KRT73: variants seen among roughly 807,000 people sequenced by gnomAD.
The protein encoded by KRT73 is keratin 73, also known as keratin, type II cytoskeletal 73.
Under a neutral mutation model 47.2 loss-of-function variants are expected in KRT73, and 44 were observed. The ratio of observed to expected loss-of-function variants is 0.93; its 90% CI spans 0.73 to 1.20. The LOEUF (loss-of-function observed/expected upper bound fraction) is 1.20, where lower values mean the gene tolerates loss of function less well. Ranked by LOEUF, KRT73 falls within the 50% of genes most tolerant of loss-of-function variation. KRT73 has a pLI of 0.00. For synonymous variants in KRT73, 285 were observed against 291.3 expected (o/e 0.98, Z 0.22); for missense variants, 713 against 704.5 (o/e 1.01, Z -0.14).
chr12:52,612,379 A>C (rs372876863), intron 5 of KRT73: 1 of 152,250 alleles, frequency 6.6e-6, no homozygotes, highest in South Asian at 2.1e-4. Flanking sequence ...AATGTGGCTC[A>C]AGGGGAAAAC....
the KRT73 span, among the ~76,000 whole-genome samples, chr12:52,626,619 G>A: frequency 6.6e-6 from 1 of 152,124 alleles, no homozygotes; most frequent in Admixed American, 6.6e-5. Context: ...TTGGGTGGCT[G>A]GCCATGTGCT....
At chr12:52,616,788 C>T (rs140192085) in intron 1 of KRT73, among the ~76,000 whole-genome samples, 41 of 152,254 alleles carry the variant, frequency 2.7e-4, no homozygotes, top group African/African-American at 9.1e-4. Flanking sequence ...TCTGGTGGCC[C>T]GTGCTCTGCC....
chr12:52,617,185 C>T (rs1259098151), intron 1 of KRT73, among the ~76,000 whole-genome samples: 1 of 152,204 alleles, frequency 6.6e-6, no homozygotes, highest in Non-Finnish European at 1.5e-5. Flanking sequence ...CCACCTCCAT[C>T]TGAAAACTCC....
chr12:52,613,575 G>C, intron 5 of KRT73, 113 bp downstream of exon 5: 3 of 1,539,314 alleles, frequency 1.9e-6, no homozygotes, highest in Non-Finnish European at 2.6e-6. Context: ...GCCCAGGAGA[G>C]TGCTGTGCTC....
rs1024884005 is a variant in KRT73 at position 52,611,068 on chromosome 12, G to A, written c.1110+136C>T. On this transcript the variant is annotated intron_variant, in intron 6 of 8. Coordinates refer to ENST00000305748, the MANE Select transcript of KRT73 (RefSeq NM_175068.3). ...TCCAAACTTCAGATGGGAGCTAAGG[G>A]TGAGGGATGAGAGCAGGACCTCCAT... The A allele has an allele frequency of 3.5e-5, 41 of 1,163,244 alleles. 1 individual carries two copies. In the Middle Eastern group the frequency reaches 1.2e-3, roughly 34 times the overall value. The allele number at this position is 1,163,244 out of a possible 1,614,324, so 72.1% of individuals were successfully genotyped here.
At chr12:52,609,504 C>T (rs1305855190) in intron 7 of KRT73, among the ~76,000 whole-genome samples, 1 of 152,168 alleles carries the variant, frequency 6.6e-6, no homozygotes, top group African/African-American at 2.4e-5. Context: ...AACTTTGGAA[C>T]CCCCAACAAC....
chr12:52,607,611 G>C lies in KRT73; in HGVS notation c.*585C>G, dbSNP rs138814612. 1.3e-5 allele frequency: 2 copies of C among 152,318 alleles called. No homozygotes were observed. Among genetic ancestry groups the C allele is most frequent in the African/African-American group, 4.8e-5 (2 of 41,444 alleles). The allele number at this position is 152,318 out of a possible 1,614,324, so 9.4% of individuals were successfully genotyped here. On this transcript the variant is annotated 3_prime_UTR_variant, in exon 9 of 9. Transcript: ENST00000305748. ...ATTGGTAAGACACAGGAGCAGGGAG[G>C]TGAGGCCTAAACAAGGACAAGTACC...
At chr12:52,618,632 G>A, upstream of KRT73, 1 of 1,213,068 alleles carries the variant, frequency 8.2e-7, no homozygotes, top group African/African-American at 1.5e-5. Context: ...AGGGAGCCAT[G>A]GGCCTAATTT....
Position 52,607,765 on chromosome 12 carries a change from C to G in KRT73, c.*431G>C, listed in dbSNP as rs1192396762. 2 of 159,746 alleles carry G rather than the reference C, an allele frequency of 1.3e-5. No individual in the cohort carries two copies. Among genetic ancestry groups the G allele is most frequent in the East Asian group, 3.7e-4 (2 of 5,360 alleles). 9.9% of individuals were successfully genotyped at this position (159,746 alleles called of 1,614,324 possible). Reference sequence around the variant, plus strand: ...GTGTTTTGCCTGAGCCAGTATTGCTCTAACATGAGAGAGTTCCTGCAGGTC... The same window carrying G: ...GTGTTTTGCCTGAGCCAGTATTGCTGTAACATGAGAGAGTTCCTGCAGGTC... On this transcript the variant is annotated 3_prime_UTR_variant, in exon 9 of 9. Coordinates refer to ENST00000305748, the MANE Select transcript of KRT73 (RefSeq NM_175068.3).
the KRT73 span, among the ~76,000 whole-genome samples, chr12:52,626,363 G>A: frequency 0.79 from 120,435 of 152,214 alleles, 48,570 homozygotes; most frequent in African/African-American, 0.95. Context: ...TACTGCCTGA[G>A]ATCTTTCTAA....
intron 2 of KRT73, 152 bp downstream of exon 2, chr12:52,616,014 A>G: frequency 1.1e-6 from 1 of 874,378 alleles, no homozygotes; most frequent in Non-Finnish European, 1.7e-6. Context: ...CTGGTTGTCC[A>G]CTGTCTAGTC....
In KRT73 at chr12:52,613,790, G is replaced by A. The variant is rs1383021730; in HGVS notation, c.882C>T (p.Asn294=). 1 of 1,614,252 alleles carries A rather than the reference G, an allele frequency of 6.2e-7. No homozygotes were observed. The highest frequency in any genetic ancestry group is 8.5e-7 in the Non-Finnish European group (1 of 1,180,046). ...DTSIILSMDN[N]RNLDLDSIIA... Reference sequence around the variant, plus strand: ...TGATGCTGTCCAGGTCCAGGTTCCGGTTGTTGTCCATGGACAGGATGATGG... The same window carrying A: ...TGATGCTGTCCAGGTCCAGGTTCCGATTGTTGTCCATGGACAGGATGATGG... The change falls in exon 5 of 9, where the codon AAC becomes AAT. Residue 294 remains asparagine (N), a synonymous_variant. Coordinates refer to ENST00000305748, the MANE Select transcript of KRT73 (RefSeq NM_175068.3).
chr12:52,618,395 T>C lies in KRT73; in HGVS notation c.130A>G (p.Ser44Gly). 1 of 1,614,176 alleles carries C rather than the reference T, an allele frequency of 6.2e-7. No homozygotes were observed. The highest frequency in any genetic ancestry group is 2.2e-5 in the East Asian group (1 of 44,872). The change falls in exon 1 of 9, where the codon AGC becomes GGC. Residue 44 changes from serine to glycine, a missense_variant. Coordinates refer to ENST00000305748, the MANE Select transcript of KRT73 (RefSeq NM_175068.3). ...CCCAGGCTGTAAAGGCTCCGACTGCTGAAGCCTCCACTGAGCCCTTTGCCC... is the reference window on the plus strand; with the variant it reads ...CCCAGGCTGTAAAGGCTCCGACTGCCGAAGCCTCCACTGAGCCCTTTGCCC... ...AGGKGLSGGF[S>G]SRSLYSLGGA...
chr12:52,612,721 T>G (rs990277521), intron 5 of KRT73: 2 of 152,212 alleles, frequency 1.3e-5, no homozygotes, highest in Non-Finnish European at 2.9e-5. Context: ...TTAGAGTAAA[T>G]GCTTCTTTCC....
upstream of KRT73, among the ~76,000 whole-genome samples, chr12:52,623,245 C>T (rs543155697): frequency 6.6e-6 from 1 of 152,284 alleles, no homozygotes; most frequent in South Asian, 2.1e-4. Flanking sequence ...AGAAACAATG[C>T]TTTACCTTTA....
the KRT73 span, among the ~76,000 whole-genome samples, chr12:52,630,672 G>A: frequency 3.9e-5 from 6 of 152,184 alleles, no homozygotes; most frequent in Non-Finnish European, 8.8e-5. Flanking sequence ...TACCACTGCT[G>A]AGTTGGGGTC....
chr12:52,609,455 C>T (rs961555633), intron 7 of KRT73, among the ~76,000 whole-genome samples, 174 bp from the exon 8 acceptor site: 1 of 152,196 alleles, frequency 6.6e-6, no homozygotes, highest in Non-Finnish European at 1.5e-5. Flanking sequence ...CCTCTCGCTC[C>T]TCAATCTACT....
At chr12:52,629,951 A>G in the KRT73 span, among the ~76,000 whole-genome samples, 1 of 152,112 alleles carries the variant, frequency 6.6e-6, no homozygotes, top group South Asian at 2.1e-4. Context: ...CTCAACCTGT[A>G]TGCCTTCCAC....
intron 1 of KRT73, 39 bp from the exon 2 acceptor site, chr12:52,616,419 G>C (rs1411224643): frequency 1.2e-6 from 2 of 1,609,216 alleles, no homozygotes; most frequent in African/African-American, 1.3e-5. Flanking sequence ...AATGTGGAGA[G>C]GGGATGTGAG....
Sources: allele counts gnomAD v4.1 joint callset (sites outside exome capture counted in the v4.1 genomes callset), GRCh38; gene constraint gnomAD v4.1.1; transcripts MANE v1.5; gene names NCBI Gene and HGNC (gene_info 2026-07-23, HGNC 2026-07-21).